Variants in COL4A6 observed in about 807,000 individuals in gnomAD.
COL4A6 encodes the protein collagen alpha-6(IV) chain.
A neutral mutation model predicts 126.7 loss-of-function variants in COL4A6; 59 were observed. The ratio of observed to expected loss-of-function variants is 0.47; its 90% CI spans 0.38 to 0.58. The LOEUF (loss-of-function observed/expected upper bound fraction) is 0.58, where lower values mean the gene tolerates loss of function less well. Among genes scored for constraint, COL4A6 ranks in the 20% least tolerant of loss-of-function variants. The pLI is 0.00. For synonymous variants in COL4A6, 547 were observed against 496.6 expected (o/e 1.10, Z -1.35); for missense variants, 1,285 against 1,337.3 (o/e 0.96, Z 0.61).
chrX:108,205,733 G>C (rs1602798864), intron 9 of COL4A6, 38 bp from the exon 10 acceptor site: 2 of 1,126,456 alleles, frequency 1.8e-6, no homozygotes, highest in African/African-American at 3.6e-5. Context: ...GTTAGCACTT[G>C]TTAGTTTCAG....
intron 3 of COL4A6, among the ~76,000 whole-genome samples, chrX:108,280,469 C>G (rs886681800): frequency 1.7e-4 from 19 of 111,802 alleles, no homozygotes; most frequent in African/African-American, 5.9e-4. Flanking sequence ...CTGAATAGAC[C>G]AATAACAGGC....
At chrX:108,438,590 C>T, upstream of COL4A6, 2 of 312,440 alleles carry the variant, frequency 6.4e-6, no homozygotes, top group Non-Finnish European at 8.5e-6. Context: ...CCTTAGAGAC[C>T]TATACGCTAA....
chrX:108,304,785 G>A (rs1378764016), intron 3 of COL4A6, among the ~76,000 whole-genome samples: 1 of 111,964 alleles, frequency 8.9e-6, no homozygotes, highest in Non-Finnish European at 1.9e-5. Context: ...GAAATCAGAT[G>A]TGTGGTCCTT....
intron 6 of COL4A6, among the ~76,000 whole-genome samples, chrX:108,213,495 T>C (rs1251905335): frequency 3.6e-5 from 4 of 112,287 alleles, no homozygotes; most frequent in Non-Finnish European, 5.6e-5. Flanking sequence ...GGTTATGATG[T>C]GGGAGTGTAG....
At chrX:108,272,070 A>G (rs776701574) in intron 3 of COL4A6, among the ~76,000 whole-genome samples, 2 of 111,417 alleles carry the variant, frequency 1.8e-5, no homozygotes. Context: ...CCCATATCCA[A>G]TAGGTCTTTC....
rs1213094572 is a variant in COL4A6 at position 108,159,622 on chromosome X, G to A, written c.4652C>T (p.Pro1551Leu). ...SYWLSTTAPIPMMPVSQTQIP... is the reference protein window; with the variant it reads ...SYWLSTTAPILMMPVSQTQIP... ...CTGGGTCTGGCTGACGGGCATCATG[G>A]GGATAGGGGCGGTAGTGGAGAGCCA... Residue 1551 changes from proline (P) to leucine (L), a missense_variant, in exon 44 of 45, where the codon CCC becomes CTC. Transcript: ENST00000334504. 8.3e-7 allele frequency: 1 copy of A among 1,211,026 alleles called. No individual in the cohort carries two copies. Among genetic ancestry groups the A allele is most frequent in the African/African-American group, 1.7e-5 (1 of 57,428 alleles).
intron 2 of COL4A6, among the ~76,000 whole-genome samples, chrX:108,356,835 T>C (rs778736785): frequency 9.0e-6 from 1 of 110,795 alleles, no homozygotes; most frequent in East Asian, 2.8e-4. Context: ...ATTCTTTATT[T>C]TCCTGGAATT....
intron 2 of COL4A6, among the ~76,000 whole-genome samples, chrX:108,368,547 A>T (rs1473880048): frequency 9.0e-6 from 1 of 110,801 alleles, no homozygotes; most frequent in African/African-American, 3.3e-5. Flanking sequence ...AGGCTACTCT[A>T]ACTGTATAAA....
chrX:108,402,903 G>A (rs1021652019), intron 2 of COL4A6, among the ~76,000 whole-genome samples: 2 of 110,971 alleles, frequency 1.8e-5, no homozygotes, highest in Non-Finnish European at 3.8e-5. Flanking sequence ...AGAAGAATAT[G>A]TATTCTCTAA....
chrX:108,194,447 T>C (rs766760512), intron 16 of COL4A6, 87 bp downstream of exon 16: 76 of 936,940 alleles, frequency 8.1e-5, no homozygotes, highest in Admixed American at 3.4e-4. Context: ...GGTCAAAATA[T>C]TAAAAATACT....
At chrX:108,358,592 T>C (rs185316736) in intron 2 of COL4A6, among the ~76,000 whole-genome samples, 2 of 110,724 alleles carry the variant, frequency 1.8e-5, no homozygotes, top group East Asian at 5.7e-4. Context: ...ATGGGGTTTC[T>C]TCACGTTGGC....
chrX:108,231,740 G>A (rs1005555135), intron 3 of COL4A6, among the ~76,000 whole-genome samples: 1 of 111,892 alleles, frequency 8.9e-6, no homozygotes, highest in East Asian at 2.8e-4. Flanking sequence ...GCTACACTGC[G>A]GAGAAAATAT....
At chrX:108,236,134 C>T (rs1365094033) in intron 3 of COL4A6, among the ~76,000 whole-genome samples, 1 of 111,926 alleles carries the variant, frequency 8.9e-6, no homozygotes, top group Non-Finnish European at 1.9e-5. Flanking sequence ...CCACGGCCAA[C>T]AGTAGCAACA....
At chrX:108,330,793 G>T (rs901007608) in intron 2 of COL4A6, among the ~76,000 whole-genome samples, 2 of 111,172 alleles carry the variant, frequency 1.8e-5, no homozygotes, top group African/African-American at 6.5e-5. Flanking sequence ...GGGAAACGCT[G>T]GCAAATCTGA....
intron 2 of COL4A6, among the ~76,000 whole-genome samples, chrX:108,349,199 A>C (rs1407150342): frequency 1.8e-5 from 2 of 111,929 alleles, no homozygotes; most frequent in East Asian, 2.8e-4. Context: ...CATTTGTACG[A>C]AAGCAAAACT....
At chrX:108,381,256 G>T (rs750774105) in intron 2 of COL4A6, among the ~76,000 whole-genome samples, 1 of 111,692 alleles carries the variant, frequency 9.0e-6, no homozygotes, top group Admixed American at 9.6e-5. Context: ...AGGTAAGCAG[G>T]ATGGATGGGC....
intron 2 of COL4A6, among the ~76,000 whole-genome samples, chrX:108,336,843 T>A (rs917610166): frequency 1.8e-5 from 2 of 110,908 alleles, no homozygotes; most frequent in East Asian, 5.7e-4. Flanking sequence ...CTAGAATTGG[T>A]TATACCTTTG....
chrX:108,411,310 AGT>A (rs1269025329), intron 2 of COL4A6, among the ~76,000 whole-genome samples: 2 of 112,152 alleles, frequency 1.8e-5, no homozygotes, highest in Non-Finnish European at 3.8e-5. Flanking sequence ...TGATTATGAT[AGT>A]AAGTTTACCC....
In COL4A6 at chrX:108,350,772, A is replaced by ATT. The variant is rs143895014; in HGVS notation, c.64-39946_64-39945dup. On this transcript the variant is annotated intron_variant, in intron 2 of 44. Coordinates refer to ENST00000334504, the MANE Select transcript of COL4A6 (RefSeq NM_033641.4). ...CTCTCCCAAAAAGCATCTGTAATTG[A>ATT]TTTTTTTTTTGAAAGAGTGGTTCCT... Among the ~76,000 whole-genome samples the ATT allele has an allele frequency of 8.1e-4, 87 of 107,350 alleles. No homozygotes were observed. The East Asian group carries it at 0.012, about 15-fold the overall frequency. 93.2% of individuals were successfully genotyped at this position (107,350 alleles called of 115,157 possible). A position where few individuals can be genotyped will look rare whatever the true frequency, so the allele number is the denominator to read the frequency against.
Sources: allele counts gnomAD v4.1 joint callset (sites outside exome capture counted in the v4.1 genomes callset), GRCh38; gene constraint gnomAD v4.1.1; transcripts MANE v1.5; gene names NCBI Gene and HGNC (gene_info 2026-07-23, HGNC 2026-07-21).